Variants in LDLRAD4 observed in about 807,000 individuals in gnomAD.
LDLRAD4 encodes the protein low-density lipoprotein receptor class A domain-containing protein 4.
Under a neutral mutation model 17.0 loss-of-function variants are expected in LDLRAD4, and 5 were observed. The ratio of observed to expected loss-of-function variants is 0.29; its 90% CI spans 0.15 to 0.62. The LOEUF (loss-of-function observed/expected upper bound fraction) is 0.62, where lower values mean the gene tolerates loss of function less well. LDLRAD4 is among the 20% of genes least tolerant of loss of function. The pLI, the probability that LDLRAD4 is intolerant of heterozygous loss-of-function variation, is 0.84. For missense variants in LDLRAD4, 340 were observed against 424.7 expected (o/e 0.80, Z 1.75); for synonymous variants, 168 against 171.8 (o/e 0.98, Z 0.17).
At chr18:13,303,966 C>T (rs940439607) in intron 1 of LDLRAD4, among the ~76,000 whole-genome samples, 19 of 152,224 alleles carry the variant, frequency 1.2e-4, no homozygotes, top group African/African-American at 4.6e-4. Context: ...TGTTGGTAGA[C>T]AGTGCAGTTG....
intron 3 of LDLRAD4, among the ~76,000 whole-genome samples, chr18:13,463,200 C>T (rs1252664275): frequency 8.5e-5 from 13 of 152,198 alleles, no homozygotes; most frequent in Non-Finnish European, 1.9e-4. Flanking sequence ...CCCCCCTGGA[C>T]TCCTAAAGGT....
At chr18:13,561,990 T>C (rs2094546583) in intron 3 of LDLRAD4, 2 of 152,292 alleles carry the variant, frequency 1.3e-5, no homozygotes, top group South Asian at 4.1e-4. Flanking sequence ...ATAACAATTA[T>C]TAGCTAATTA....
intron 2 of LDLRAD4, among the ~76,000 whole-genome samples, chr18:13,409,146 C>T (rs915184109): frequency 6.6e-5 from 10 of 152,168 alleles, no homozygotes; most frequent in African/African-American, 2.4e-4. Flanking sequence ...ATGGTATAAT[C>T]ACACTGTTTA....
At chr18:13,425,669 C>T (rs1393204793) in intron 2 of LDLRAD4, among the ~76,000 whole-genome samples, 4 of 152,196 alleles carry the variant, frequency 2.6e-5, no homozygotes, top group Non-Finnish European at 5.9e-5. Flanking sequence ...TCAGCAGGAG[C>T]GTTCAGGCTG....
intron 3 of LDLRAD4, among the ~76,000 whole-genome samples, chr18:13,466,331 G>C (rs2092613667): frequency 6.6e-6 from 1 of 151,934 alleles, no homozygotes; most frequent in African/African-American, 2.4e-5. Flanking sequence ...TTAGCTGGGG[G>C]TGGTGGCGGG....
At chr18:13,433,638 G>A (rs1007738912) in intron 2 of LDLRAD4, among the ~76,000 whole-genome samples, 4 of 152,124 alleles carry the variant, frequency 2.6e-5, no homozygotes, top group Admixed American at 1.3e-4. Flanking sequence ...CATCCTGACC[G>A]AGTTTAGGTT....
At chr18:13,568,147 A>G (rs1199856039) in intron 3 of LDLRAD4, among the ~76,000 whole-genome samples, 1 of 152,062 alleles carries the variant, frequency 6.6e-6, no homozygotes, top group Non-Finnish European at 1.5e-5. Flanking sequence ...CACAAATATT[A>G]GACAGGTGTG....
chr18:13,622,344 G>A lies in LDLRAD4; in HGVS notation c.336+1073G>A, dbSNP rs548930948. 1.8e-4 allele frequency among the ~76,000 whole-genome samples: 28 copies of A among 152,322 alleles called. 1 individual carries two copies. The South Asian group carries it at 4.1e-3, about 23-fold the overall frequency. On this transcript the variant is annotated intron_variant, in intron 4 of 5. Coordinates refer to ENST00000359446, the Ensembl canonical transcript of LDLRAD4. The surrounding 1 kb of genome is among the most constrained non-coding windows in gnomAD (Gnocchi z 5.3). ...CTCTGCAGCTCCTGCAGGTAGTGGG[G>A]AGAAGGAAGGGGTGGGTGCTACCGA...
chr18:13,364,350 T>A (rs1357964277), intron 1 of LDLRAD4, among the ~76,000 whole-genome samples: 1 of 152,190 alleles, frequency 6.6e-6, no homozygotes, highest in Non-Finnish European at 1.5e-5. Flanking sequence ...TGATTTTTTT[T>A]TAAAAGAGAC....
intron 1 of LDLRAD4, among the ~76,000 whole-genome samples, chr18:13,315,520 G>A (rs1048983651): frequency 2.0e-5 from 3 of 152,166 alleles, no homozygotes; most frequent in Admixed American, 6.5e-5. Flanking sequence ...TAGGCCAGGC[G>A]TGGTGGCTCA....
rs139680871 is a variant in LDLRAD4 at position 13,365,668 on chromosome 18, G to A, written c.-382-21673G>A. ...ATGTACTTCCTGTAAAAGCCCATTC[G>A]AAGGATGTGATTTCACTCAAGGCAC... On this transcript the variant is annotated intron_variant, in intron 1 of 5. Coordinates refer to ENST00000359446, the Ensembl canonical transcript of LDLRAD4. Among the ~76,000 whole-genome samples, 82 of 152,306 alleles carry A rather than the reference G, an allele frequency of 5.4e-4. 2 individuals are homozygous for A. The East Asian group carries it at 0.012, about 23-fold the overall frequency.
chr18:13,436,372 AGT>A (rs1389582531), intron 2 of LDLRAD4, among the ~76,000 whole-genome samples: 1 of 152,222 alleles, frequency 6.6e-6, no homozygotes, highest in Admixed American at 6.5e-5. Flanking sequence ...AAATTAGTGA[AGT>A]GTGGATGTGG....
In LDLRAD4 at chr18:13,622,076, C is replaced by G. The variant is rs2040709786; in HGVS notation, c.336+805C>G. Among the ~76,000 whole-genome samples, 1 of 152,188 alleles carries G rather than the reference C, an allele frequency of 6.6e-6. No homozygotes were observed. The highest frequency in any genetic ancestry group is 2.4e-5 in the African/African-American group (1 of 41,440). On this transcript the variant is annotated intron_variant, in intron 4 of 5. Transcript: ENST00000359446. This position sits in a 1 kb window ranked among gnomAD's most constrained non-coding sequence, Gnocchi z 5.3. ...GAGGCCGAGTCTCCACAGTGTGGAG[C>G]CCTGCGGTATGCTGAGCACAGGAGC...
chr18:13,485,817 T>G (rs1226612365), intron 3 of LDLRAD4, among the ~76,000 whole-genome samples: 1 of 152,142 alleles, frequency 6.6e-6, no homozygotes, highest in Non-Finnish European at 1.5e-5. Flanking sequence ...AGTTTGAAGC[T>G]TCAGTGAGCC....
chr18:13,610,305 T>TTTTTTTTTTTTTTTTTTC lies in LDLRAD4; in HGVS notation c.182-10812_182-10811insTTTTTTTTTTTTTTTTTC. 4.4e-3 allele frequency among the ~76,000 whole-genome samples: 106 copies of TTTTTTTTTTTTTTTTTTC among 24,360 alleles called. 37 individuals are homozygous for TTTTTTTTTTTTTTTTTTC. The highest frequency in any genetic ancestry group is 7.4e-3 in the Non-Finnish European group (85 of 11,546). 16.0% of individuals were successfully genotyped at this position (24,360 alleles called of 152,430 possible). On this transcript the variant is annotated intron_variant, in intron 3 of 5. Coordinates refer to ENST00000359446, the Ensembl canonical transcript of LDLRAD4. The stretch of plus-strand genomic sequence containing the variant: ...TTTTTTTTTTTTTTTTTTTTTTTTT[T>TTTTTTTTTTTTTTTTTTC]GAGACGGAGTCTCACTCTGTCGCCC...
chr18:13,411,383 T>C (rs182503607), intron 2 of LDLRAD4, among the ~76,000 whole-genome samples: 1 of 152,352 alleles, frequency 6.6e-6, no homozygotes, highest in East Asian at 1.9e-4. Flanking sequence ...CATTTGCTAT[T>C]AGACTAATAT....
chr18:13,256,224 G>T (rs1436262115), intron 1 of LDLRAD4, among the ~76,000 whole-genome samples: 1 of 152,178 alleles, frequency 6.6e-6, no homozygotes, highest in Non-Finnish European at 1.5e-5. Context: ...ATCACAAACT[G>T]CCCTGGATGT....
At chr18:13,231,247 C>T (rs369963168) in intron 1 of LDLRAD4, among the ~76,000 whole-genome samples, 91 of 152,152 alleles carry the variant, frequency 6.0e-4, no homozygotes, top group African/African-American at 1.9e-3. Flanking sequence ...GGGTCTGGAC[C>T]GGTTTTGCTT....
chr18:13,483,165 G>A (rs2093134461), intron 3 of LDLRAD4, among the ~76,000 whole-genome samples: 1 of 152,126 alleles, frequency 6.6e-6, no homozygotes, highest in Admixed American at 6.5e-5. Context: ...CATGTTTTCA[G>A]GACAGGTTTT....
Sources: gnomAD v4.1 joint callset for allele counts (sites outside exome capture counted in the v4.1 genomes callset) on GRCh38, gnomAD v4.1.1 for gene constraint, Gnocchi (gnomAD v3.1) non-coding constraint, MANE v1.5 for transcripts, NCBI Gene and HGNC (gene_info 2026-07-23, HGNC 2026-07-21) for gene names.